Variants in YWHAQ observed in about 807,000 individuals in gnomAD.
YWHAQ encodes the protein tyrosine 3-monooxygenase/tryptophan 5-monooxygenase activation protein theta.
Under a neutral mutation model 28.3 loss-of-function variants are expected in YWHAQ, and 6 were observed. That is an observed-to-expected ratio of 0.21 (90% CI 0.12 to 0.42). The LOEUF is 0.42. Among genes scored for constraint, YWHAQ ranks in the 10% least tolerant of loss-of-function variants. The pLI is 1.00. For synonymous variants in YWHAQ, 143 were observed against 119.1 expected, an observed-to-expected ratio of 1.20 and a Z score of -1.31; for missense variants, 201 against 305.6, an observed-to-expected ratio of 0.66 and a Z score of 2.55.
At position 9,596,950 on chromosome 2, in the gene YWHAQ, A is replaced by T. The variant is rs547328599; in HGVS notation, c.295-5435T>A. Reference sequence around the variant, plus strand: ...CTGAGCCACGGTGCCCAGCTTAGAGATTTAATCAGTAAAACAAAAAAGGGA... The same window carrying T: ...CTGAGCCACGGTGCCCAGCTTAGAGTTTTAATCAGTAAAACAAAAAAGGGA... On this transcript the variant is annotated intron_variant, in intron 2 of 5. Coordinates refer to ENST00000238081, the MANE Select transcript of YWHAQ (RefSeq NM_006826.4). Among the ~76,000 whole-genome samples, 22 of 152,298 alleles carry T rather than the reference A, an allele frequency of 1.4e-4. No individual in the cohort carries two copies. In the South Asian group the frequency reaches 4.6e-3, roughly 32 times the overall value.
chr2:9,593,236 C>CTT (rs34085406), intron 2 of YWHAQ, among the ~76,000 whole-genome samples: 2,091 of 114,902 alleles, frequency 0.018, 117 homozygotes, highest in African/African-American at 0.062. Flanking sequence ...GCATCCATGT[C>CTT]TTTTTTTTTT....
intron 2 of YWHAQ, among the ~76,000 whole-genome samples, chr2:9,606,384 G>C (rs987232446): frequency 6.0e-5 from 9 of 151,032 alleles, no homozygotes; most frequent in Non-Finnish European, 7.4e-5. Context: ...TGGGAAACAC[G>C]GTGAAACCCC....
Position 9,613,152 on chromosome 2 carries a change from T to A in YWHAQ, c.294+17007A>T, listed in dbSNP as rs570792434. ...AAGAGGGAAAATCCTTCAAAAATAT[T>A]TTTTTTAAAAAGTGTTATTGGGCCT... On this transcript the variant is annotated intron_variant, in intron 2 of 5. Transcript: ENST00000238081. Among the ~76,000 whole-genome samples the A allele has an allele frequency of 2.0e-5, 3 of 152,256 alleles. No individual in the cohort carries two copies. In the South Asian group the frequency reaches 6.2e-4, roughly 32 times the overall value.
chr2:9,602,464 TTAAC>T (rs1666713070), intron 2 of YWHAQ, among the ~76,000 whole-genome samples: 1 of 151,984 alleles, frequency 6.6e-6, no homozygotes, highest in South Asian at 2.1e-4. Context: ...TTATGCCTCC[TTAAC>T]TAAGTTAAAA....
Position 9,584,986 on chromosome 2 carries a change from C to G in YWHAQ, c.*300G>C, listed in dbSNP as rs1267323694. The G allele has an allele frequency of 3.2e-6, 1 of 316,178 alleles. No individual in the cohort carries two copies. The highest frequency in any genetic ancestry group is 2.1e-5 in the African/African-American group (1 of 46,544). 19.6% of individuals were successfully genotyped at this position (316,178 alleles called of 1,614,324 possible). A position where few individuals can be genotyped will look rare whatever the true frequency, so the allele number is the denominator to read the frequency against. On this transcript the variant is annotated 3_prime_UTR_variant, in exon 6 of 6. Coordinates refer to ENST00000238081, the MANE Select transcript of YWHAQ (RefSeq NM_006826.4). The stretch of plus-strand genomic sequence containing the variant: ...AACACAGTCACTTGCAGAACTGGTT[C>G]AGATTACTTAAATACCAGATACATT...
At chr2:9,588,800 T>G (rs1034765672) in intron 3 of YWHAQ, among the ~76,000 whole-genome samples, 6 of 152,010 alleles carry the variant, frequency 3.9e-5, no homozygotes, top group African/African-American at 1.4e-4. Context: ...CAATATTGTG[T>G]ACTGGGTATT....
chr2:9,610,065 C>T (rs998499112), intron 2 of YWHAQ, among the ~76,000 whole-genome samples: 2 of 152,148 alleles, frequency 1.3e-5, no homozygotes, highest in Non-Finnish European at 2.9e-5. Flanking sequence ...TGATTTTTTC[C>T]CCCTTAATCT....
chr2:9,616,456 AAAG>A, intron 2 of YWHAQ, among the ~76,000 whole-genome samples: 1 of 152,002 alleles, frequency 6.6e-6, no homozygotes, highest in Non-Finnish European at 1.5e-5. Flanking sequence ...AAAAAAAAAA[AAAG>A]GACTTCAAAA....
chr2:9,625,991 G>A (rs1426527367), intron 2 of YWHAQ, among the ~76,000 whole-genome samples: 1 of 135,870 alleles, frequency 7.4e-6, no homozygotes, highest in African/African-American at 3.3e-5. Context: ...ATAATGAGCA[G>A]CGTAAGACAT....
intron 2 of YWHAQ, 137 bp from the exon 3 acceptor site, chr2:9,591,652 T>C: frequency 1.8e-6 from 2 of 1,133,796 alleles, no homozygotes; most frequent in Non-Finnish European, 2.4e-6. Flanking sequence ...AGCCTGGACT[T>C]GAAGCATGTT....
rs981748435 is a variant in YWHAQ, at chr2:9,591,374, T to C, written c.418+18A>G. The C allele has an allele frequency of 3.1e-6, 5 of 1,603,458 alleles. No homozygotes were observed. The highest frequency in any genetic ancestry group is 1.7e-6 in the Non-Finnish European group (2 of 1,172,378). On this transcript the variant is annotated intron_variant, in intron 3 of 5. Coordinates refer to ENST00000238081, the MANE Select transcript of YWHAQ (RefSeq NM_006826.4). ...TTTTTTTATATTCTACTTTTGCCCA[T>C]ATAACAAATAAACTTACGTTTTCGA...
At chr2:9,621,536 C>A (rs1273048783) in intron 2 of YWHAQ, among the ~76,000 whole-genome samples, 1 of 152,148 alleles carries the variant, frequency 6.6e-6, no homozygotes, top group Non-Finnish European at 1.5e-5. Flanking sequence ...CTTGCTTTTT[C>A]AGATACCCAT....
intron 2 of YWHAQ, among the ~76,000 whole-genome samples, chr2:9,625,529 G>C (rs1282757184): frequency 6.6e-6 from 1 of 152,116 alleles, no homozygotes; most frequent in East Asian, 1.9e-4. Flanking sequence ...CATGTACTTA[G>C]GGCCTACTGT....
intron 2 of YWHAQ, among the ~76,000 whole-genome samples, chr2:9,597,365 G>A (rs1050707417): frequency 6.6e-6 from 1 of 152,082 alleles, no homozygotes; most frequent in African/African-American, 2.4e-5. Flanking sequence ...AAGAATTGTT[G>A]GGGCAGACAC....
chr2:9,625,628 T>C (rs189115196), intron 2 of YWHAQ, among the ~76,000 whole-genome samples: 1 of 152,342 alleles, frequency 6.6e-6, no homozygotes, highest in East Asian at 1.9e-4. Flanking sequence ...CATTACTAAC[T>C]TCTTTATGCC....
intron 3 of YWHAQ, among the ~76,000 whole-genome samples, chr2:9,589,770 C>T (rs1370871802): frequency 1.3e-5 from 2 of 152,098 alleles, no homozygotes; most frequent in East Asian, 1.9e-4. Flanking sequence ...TCTGCTCTGA[C>T]CAGAGTTTGA....
chr2:9,617,976 G>A (rs1183336611), intron 2 of YWHAQ, among the ~76,000 whole-genome samples: 2 of 151,774 alleles, frequency 1.3e-5, no homozygotes, highest in African/African-American at 2.4e-5. Context: ...TAAACCTTGA[G>A]GGCATTAGGC....
chr2:9,623,130 A>G (rs1359989253), intron 2 of YWHAQ, among the ~76,000 whole-genome samples: 1 of 152,236 alleles, frequency 6.6e-6, no homozygotes, highest in Admixed American at 6.5e-5. Flanking sequence ...ACTTAAAAAT[A>G]CTAGTTTTCT....
rs1553372602 is a variant in YWHAQ at position 9,593,923 on chromosome 2, T to TACACACAC, written c.295-2416_295-2409dup. ...TAAAAAAAATATATATATATATATA[T>TACACACAC]ACACACACACACACACACACTTTTT... On this transcript the variant is annotated intron_variant, in intron 2 of 5. Coordinates refer to ENST00000238081, the MANE Select transcript of YWHAQ (RefSeq NM_006826.4). Among the ~76,000 whole-genome samples, 499 of 135,152 alleles carry TACACACAC rather than the reference T, an allele frequency of 3.7e-3. 8 individuals carry two copies. The highest frequency in any genetic ancestry group is 0.013 in the African/African-American group (459 of 34,390). The allele number at this position is 135,152 out of a possible 152,430, so 88.7% of individuals were successfully genotyped here.
Sources: allele counts gnomAD v4.1 joint callset (sites outside exome capture counted in the v4.1 genomes callset), GRCh38; gene constraint gnomAD v4.1.1; transcripts MANE v1.5; gene names NCBI Gene and HGNC (gene_info 2026-07-23, HGNC 2026-07-21).